TOX: variants seen among roughly 807,000 people sequenced by gnomAD.
TOX encodes the protein thymocyte selection-associated high mobility group box protein TOX.
TOX carries 11 observed loss-of-function variants against 53.7 expected under a neutral mutation model. That is an observed-to-expected ratio of 0.20 (90% CI 0.13 to 0.34). The LOEUF (loss-of-function observed/expected upper bound fraction) is 0.34, where lower values mean the gene tolerates loss of function less well. TOX is among the 10% of genes least tolerant of loss of function. The pLI, the probability that TOX is intolerant of heterozygous loss-of-function variation, is 1.00. For missense variants in TOX, 570 were observed against 664.6 expected (o/e 0.86, Z 1.56); for synonymous variants, 225 against 245.3 (o/e 0.92, Z 0.77).
At chr8:58,918,668 C>T (rs1368616172) in intron 3 of TOX, among the ~76,000 whole-genome samples, 1 of 54,942 alleles carries the variant, frequency 1.8e-5, no homozygotes, top group Non-Finnish European at 3.5e-5. Flanking sequence ...CCTCTCTCAC[C>T]GCTCCTATTC....
At chr8:59,098,872 C>T (rs1173141251) in intron 1 of TOX, among the ~76,000 whole-genome samples, 1 of 152,186 alleles carries the variant, frequency 6.6e-6, no homozygotes, top group East Asian at 1.9e-4. Context: ...TTATCCTTTG[C>T]TACTTTAATA....
At chr8:58,957,371 C>T (rs1309876927) in intron 2 of TOX, among the ~76,000 whole-genome samples, 2 of 152,034 alleles carry the variant, frequency 1.3e-5, no homozygotes, top group Non-Finnish European at 2.9e-5. Context: ...ACTTGTCAGG[C>T]TTATTATAAG....
chr8:59,072,723 T>C (rs1316436410), intron 1 of TOX, among the ~76,000 whole-genome samples: 4 of 152,198 alleles, frequency 2.6e-5, no homozygotes, highest in African/African-American at 9.6e-5. Context: ...ATCGCTTATA[T>C]TATTTCTAAT....
chr8:59,054,175 T>A (rs1397417310), intron 1 of TOX, among the ~76,000 whole-genome samples: 1 of 152,254 alleles, frequency 6.6e-6, no homozygotes, highest in African/African-American at 2.4e-5. Flanking sequence ...CAATTTATTT[T>A]AATTATTAAA....
intron 3 of TOX, among the ~76,000 whole-genome samples, chr8:58,875,690 G>A (rs959620274): frequency 5.9e-5 from 9 of 152,296 alleles, no homozygotes; most frequent in Admixed American, 3.3e-4. Context: ...TATACGTAGT[G>A]GAAGAAAAAG....
chr8:59,009,475 C>G (rs986927435), intron 1 of TOX, among the ~76,000 whole-genome samples: 6 of 152,038 alleles, frequency 3.9e-5, no homozygotes, highest in African/African-American at 1.2e-4. Flanking sequence ...CGGGTTCAAG[C>G]GTTTCTCCTG....
At position 59,103,828 on chromosome 8, in the gene TOX, C is replaced by T. The variant is rs540133302; in HGVS notation, c.102+15058G>A. Reference sequence around the variant, plus strand: ...ATTTCAGGAAAGCAATTACTAATAACTTGAGTAAATATTACTCCACAATTA... The same window carrying T: ...ATTTCAGGAAAGCAATTACTAATAATTTGAGTAAATATTACTCCACAATTA... On this transcript the variant is annotated intron_variant, in intron 1 of 8. Coordinates refer to ENST00000361421, the MANE Select transcript of TOX (RefSeq NM_014729.3). Among the ~76,000 whole-genome samples the T allele has an allele frequency of 3.3e-5, 5 of 152,310 alleles. No homozygotes were observed. In the South Asian group the frequency reaches 1.0e-3, roughly 32 times the overall value.
intron 8 of TOX, 51 bp downstream of exon 8, chr8:58,808,067 T>C: frequency 6.4e-7 from 1 of 1,570,108 alleles, no homozygotes; most frequent in Non-Finnish European, 8.6e-7. Context: ...AGGGACGATA[T>C]GCATGCTATG....
intron 4 of TOX, among the ~76,000 whole-genome samples, chr8:58,849,895 T>C (rs373089847): frequency 6.6e-6 from 1 of 152,164 alleles, no homozygotes; most frequent in South Asian, 2.1e-4. Context: ...AAATTATTAG[T>C]GTTCACATTT....
chr8:58,918,899 T>C (rs1313369770), intron 3 of TOX, among the ~76,000 whole-genome samples: 1 of 151,788 alleles, frequency 6.6e-6, no homozygotes, highest in Non-Finnish European at 1.5e-5. Context: ...CAAGCATTCT[T>C]ATACACCAAC....
intron 1 of TOX, among the ~76,000 whole-genome samples, chr8:59,039,001 G>C (rs1226634872): frequency 6.6e-6 from 1 of 152,164 alleles, no homozygotes; most frequent in Non-Finnish European, 1.5e-5. Flanking sequence ...TCAGGCAAAG[G>C]CACTTAGATT....
chr8:59,029,594 A>G (rs1163648529), intron 1 of TOX, among the ~76,000 whole-genome samples: 2 of 152,206 alleles, frequency 1.3e-5, no homozygotes, highest in African/African-American at 4.8e-5. Context: ...GTGGAAGAGA[A>G]ATGGAGAAAA....
intron 3 of TOX, among the ~76,000 whole-genome samples, chr8:58,931,356 T>C (rs1203342763): frequency 6.6e-6 from 1 of 152,160 alleles, no homozygotes; most frequent in Non-Finnish European, 1.5e-5. Flanking sequence ...TAATTTGATT[T>C]AAAAGTTGAA....
chr8:59,025,152 C>G (rs56218690), intron 1 of TOX, among the ~76,000 whole-genome samples: 35,414 of 152,004 alleles, frequency 0.23, 4,765 homozygotes, highest in Non-Finnish European at 0.32. Context: ...CAGCCTTGGG[C>G]GAGCCACTCA....
chr8:58,956,191 G>A (rs558715494), intron 2 of TOX, among the ~76,000 whole-genome samples: 2 of 152,306 alleles, frequency 1.3e-5, no homozygotes, highest in East Asian at 3.9e-4. Flanking sequence ...ATTTAATTTA[G>A]ATGAACATTT....
intron 6 of TOX, among the ~76,000 whole-genome samples, chr8:58,825,627 T>C (rs564613202): frequency 4.6e-5 from 7 of 152,206 alleles, no homozygotes; most frequent in Non-Finnish European, 1.0e-4. Flanking sequence ...AAAAAGAATC[T>C]GATCTTGGAT....
intron 1 of TOX, among the ~76,000 whole-genome samples, chr8:59,038,257 A>G (rs1803509546): frequency 6.6e-6 from 1 of 152,224 alleles, no homozygotes; most frequent in African/African-American, 2.4e-5. Context: ...TTCCTTTCAT[A>G]ATTTATGGCT....
intron 1 of TOX, among the ~76,000 whole-genome samples, chr8:58,971,890 C>A (rs1437035287): frequency 6.6e-6 from 1 of 152,124 alleles, no homozygotes; most frequent in African/African-American, 2.4e-5. Context: ...GGGATTTCAC[C>A]ATAATGGCCA....
chr8:59,028,188 CA>C (rs1370627308), intron 1 of TOX, among the ~76,000 whole-genome samples: 1 of 152,068 alleles, frequency 6.6e-6, no homozygotes, highest in Non-Finnish European at 1.5e-5. Flanking sequence ...AAAATAGCAG[CA>C]TGTGTTTGAC....
Sources: allele counts gnomAD v4.1 joint callset (sites outside exome capture counted in the v4.1 genomes callset), GRCh38; gene constraint gnomAD v4.1.1; transcripts MANE v1.5; gene names NCBI Gene and HGNC (gene_info 2026-07-23, HGNC 2026-07-21).